Variants in RNF180 observed in about 807,000 individuals in gnomAD.
RNF180 encodes E3 ubiquitin-protein ligase RNF180.
Under a neutral mutation model 59.2 loss-of-function variants are expected in RNF180, and 38 were observed. The ratio of observed to expected loss-of-function variants is 0.64; its 90% CI spans 0.50 to 0.84. The LOEUF is 0.84. Ranked by LOEUF, RNF180 falls within the 40% of genes least tolerant of loss-of-function variation. The pLI, the probability that RNF180 is intolerant of heterozygous loss-of-function variation, is 0.00. For synonymous variants in RNF180, 262 were observed against 240.3 expected, an observed-to-expected ratio of 1.09 and a Z score of -0.84; for missense variants, 705 against 700.9, an observed-to-expected ratio of 1.01 and a Z score of -0.07.
At chr5:64,266,980 T>G (rs1399884691) in intron 5 of RNF180, among the ~76,000 whole-genome samples, 3 of 152,152 alleles carry the variant, frequency 2.0e-5, no homozygotes, top group African/African-American at 7.2e-5. Context: ...TTATTCTACT[T>G]AGCATATATT....
intron 7 of RNF180, among the ~76,000 whole-genome samples, chr5:64,337,791 A>G (rs530904718): frequency 1.3e-5 from 2 of 152,166 alleles, no homozygotes; most frequent in East Asian, 1.9e-4. Context: ...TTTACTGAGA[A>G]TGATGATTTC....
intron 7 of RNF180, among the ~76,000 whole-genome samples, chr5:64,357,680 A>G (rs1746083445): frequency 6.6e-6 from 1 of 151,774 alleles, no homozygotes; most frequent in Non-Finnish European, 1.5e-5. Flanking sequence ...ACCTACCAAA[A>G]TTACAAAAAT....
At chr5:64,240,615 T>G (rs1046524098) in intron 5 of RNF180, among the ~76,000 whole-genome samples, 3 of 152,176 alleles carry the variant, frequency 2.0e-5, no homozygotes, top group Non-Finnish European at 2.9e-5. Context: ...TTTTACAATA[T>G]CCTGTGATAT....
chr5:64,290,841 G>A (rs569140714), intron 5 of RNF180, among the ~76,000 whole-genome samples: 12 of 152,076 alleles, frequency 7.9e-5, no homozygotes, highest in Non-Finnish European at 2.9e-5. Flanking sequence ...TTGCCATTCT[G>A]TGTCTTTTAA....
chr5:64,167,512 T>G (rs2111845079), intron 1 of RNF180, among the ~76,000 whole-genome samples: 2 of 152,338 alleles, frequency 1.3e-5, no homozygotes, highest in South Asian at 2.1e-4. Context: ...ATTTCTTTCT[T>G]GATAAAATAG....
intron 3 of RNF180, among the ~76,000 whole-genome samples, chr5:64,213,346 AT>A (rs1259454648): frequency 1.3e-5 from 2 of 152,132 alleles, no homozygotes; most frequent in Non-Finnish European, 2.9e-5. Context: ...ATGATTTGCA[AT>A]ATGTTATCAT....
intron 3 of RNF180, among the ~76,000 whole-genome samples, chr5:64,212,691 T>C (rs1313310696): frequency 6.6e-6 from 1 of 152,102 alleles, no homozygotes; most frequent in African/African-American, 2.4e-5. Context: ...ATAATCAAAA[T>C]GAAAATTCTA....
intron 6 of RNF180, among the ~76,000 whole-genome samples, chr5:64,329,427 G>A (rs1744793856): frequency 6.6e-6 from 1 of 150,964 alleles, no homozygotes; most frequent in Admixed American, 6.6e-5. Flanking sequence ...AGATTATTGT[G>A]CATTAGTTAG....
chr5:64,369,638 G>T lies in RNF180; in HGVS notation c.1603G>T (p.Val535Phe). The T allele has an allele frequency of 6.6e-7, 1 of 1,523,064 alleles. No individual in the cohort carries two copies. The highest frequency in any genetic ancestry group is 1.4e-5 in the African/African-American group (1 of 71,466). 94.3% of individuals were successfully genotyped at this position (1,523,064 alleles called of 1,614,324 possible). Residue 535 changes from valine (V) to phenylalanine (F), a missense_variant, in exon 8 of 8, where the codon GTT becomes TTT. Coordinates refer to ENST00000389100, the MANE Select transcript of RNF180 (RefSeq NM_001113561.2). ...FGGFRRHAAP[V>F]TRRQFPHGAH... ...AGGTTTCCGCAGACATGCAGCTCCA[G>T]TTACAAGAAGGCAGTTCCCACACGG...
intron 5 of RNF180, among the ~76,000 whole-genome samples, chr5:64,219,798 C>T (rs1025817254): frequency 6.6e-6 from 1 of 152,010 alleles, no homozygotes; most frequent in South Asian, 2.1e-4. Context: ...GGATTACAGG[C>T]GTGAGCCACC....
intron 5 of RNF180, among the ~76,000 whole-genome samples, chr5:64,293,682 G>T (rs1404228230): frequency 6.6e-6 from 1 of 151,696 alleles, no homozygotes; most frequent in Non-Finnish European, 1.5e-5. Context: ...TGTATTATTT[G>T]GAAAGTTGGG....
intron 5 of RNF180, among the ~76,000 whole-genome samples, chr5:64,292,041 C>G (rs1014124279): frequency 3.3e-5 from 5 of 152,064 alleles, no homozygotes; most frequent in Admixed American, 3.3e-4. Context: ...ATTATTTTGT[C>G]ATGATTCTTA....
At chr5:64,329,921 A>G (rs941575757) in intron 6 of RNF180, among the ~76,000 whole-genome samples, 9 of 152,316 alleles carry the variant, frequency 5.9e-5, no homozygotes, top group African/African-American at 2.2e-4. Flanking sequence ...CTAACAGGCC[A>G]TGGACTGCTA....
At chr5:64,243,615 A>G (rs1191975547) in intron 5 of RNF180, among the ~76,000 whole-genome samples, 1 of 152,214 alleles carries the variant, frequency 6.6e-6, no homozygotes, top group East Asian at 1.9e-4. Context: ...CTATACTCCC[A>G]TCACCCTAGG....
At chr5:64,366,670 C>G (rs926930719) in intron 7 of RNF180, among the ~76,000 whole-genome samples, 4 of 151,396 alleles carry the variant, frequency 2.6e-5, no homozygotes, top group African/African-American at 4.8e-5. Context: ...TGAAATAACC[C>G]AGTCAGACAA....
At chr5:64,212,028 C>A in intron 2 of RNF180, 37 bp from the exon 3 acceptor site, 1 of 1,148,890 alleles carries the variant, frequency 8.7e-7, no homozygotes, top group Non-Finnish European at 1.3e-6. Flanking sequence ...AAATTCTGAA[C>A]TGGTAATTAG....
chr5:64,343,693 A>G (rs1745446728), intron 7 of RNF180, among the ~76,000 whole-genome samples: 1 of 151,908 alleles, frequency 6.6e-6, no homozygotes, highest in African/African-American at 2.4e-5. Context: ...ATGGTGGAAT[A>G]ACATCTTTAA....
chr5:64,338,634 C>CA (rs201803022), intron 7 of RNF180, among the ~76,000 whole-genome samples: 4,815 of 102,448 alleles, frequency 0.047, 221 homozygotes, highest in African/African-American at 0.13. Context: ...GACTCCATCT[C>CA]AAAAAAAAAA....
intron 1 of RNF180, among the ~76,000 whole-genome samples, chr5:64,170,028 A>G (rs1364895693): frequency 6.6e-6 from 1 of 152,228 alleles, no homozygotes; most frequent in East Asian, 1.9e-4. Context: ...GTGACAACTT[A>G]CCATTTAGAT....
Sources: gnomAD v4.1 joint callset for allele counts (sites outside exome capture counted in the v4.1 genomes callset) on GRCh38, gnomAD v4.1.1 for gene constraint, MANE v1.5 for transcripts, NCBI Gene and HGNC (gene_info 2026-07-23, HGNC 2026-07-21) for gene names.